The following DAB1 variants were observed in gnomAD, a reference collection of about 807,000 sequenced individuals.
The protein encoded by DAB1 is DAB adaptor protein 1.
Under a neutral mutation model 64.6 loss-of-function variants are expected in DAB1, and 15 were observed. The observed-to-expected ratio is 0.23, with a 90% CI of 0.16 to 0.36. DAB1 has a LOEUF of 0.36. DAB1 is among the 10% of genes least tolerant of loss of function. The pLI, the probability that DAB1 is intolerant of heterozygous loss-of-function variation, is 1.00. For synonymous variants in DAB1, 235 were observed against 251.9 expected (o/e 0.93, Z 0.64); for missense variants, 596 against 706.7 (o/e 0.84, Z 1.78).
At chr1:58,455,551 T>C (rs1645185793) in intron 3 of DAB1, among the ~76,000 whole-genome samples, 1 of 152,232 alleles carries the variant, frequency 6.6e-6, no homozygotes, top group Admixed American at 6.5e-5. Flanking sequence ...ACCTACTGAA[T>C]TATGCTCAAT....
At chr1:57,711,938 C>T (rs1323818) in intron 6 of DAB1, among the ~76,000 whole-genome samples, 63,509 of 151,958 alleles carry the variant, frequency 0.42, 14,462 homozygotes, top group African/African-American at 0.61. Flanking sequence ...TATAGGTAAT[C>T]TTTATATTTA....
chr1:58,537,730 T>C (rs1356216434), intron 1 of DAB1, among the ~76,000 whole-genome samples: 1 of 152,228 alleles, frequency 6.6e-6, no homozygotes, highest in African/African-American at 2.4e-5. Flanking sequence ...CACACCCCAA[T>C]GCCTTTACAC....
At chr1:57,249,012 G>T (rs1669117441) in intron 2 of DAB1, among the ~76,000 whole-genome samples, 1 of 152,166 alleles carries the variant, frequency 6.6e-6, no homozygotes, top group South Asian at 2.1e-4. Flanking sequence ...ACGATCCCTA[G>T]ATGTGGGCAG....
chr1:58,065,095 T>G (rs1648772888), intron 5 of DAB1, among the ~76,000 whole-genome samples: 1 of 152,206 alleles, frequency 6.6e-6, no homozygotes, highest in South Asian at 2.1e-4. Flanking sequence ...CATTTTATCC[T>G]CACAACAACC....
chr1:58,141,678 G>A (rs779936591), intron 5 of DAB1, among the ~76,000 whole-genome samples: 16 of 152,112 alleles, frequency 1.1e-4, no homozygotes, highest in Admixed American at 3.3e-4. Context: ...ATTTCAACAC[G>A]AGATTTGCAT....
chr1:58,431,258 A>C (rs1644867535), intron 3 of DAB1, among the ~76,000 whole-genome samples: 3 of 152,192 alleles, frequency 2.0e-5, no homozygotes, highest in African/African-American at 4.8e-5. Flanking sequence ...AGAAAAAGCA[A>C]TGAAGACTAG....
intron 4 of DAB1, among the ~76,000 whole-genome samples, chr1:58,274,559 G>C (rs1386873638): frequency 7.0e-6 from 1 of 143,124 alleles, no homozygotes; most frequent in East Asian, 2.2e-4. Flanking sequence ...TGGCTGCTTT[G>C]TTTACCTAAG....
chr1:57,435,578 A>C (rs1685665027), intron 7 of DAB1, among the ~76,000 whole-genome samples: 1 of 152,166 alleles, frequency 6.6e-6, no homozygotes, highest in South Asian at 2.1e-4. Flanking sequence ...AAAAACAAAG[A>C]CACAAACACA....
intron 5 of DAB1, among the ~76,000 whole-genome samples, chr1:58,096,078 C>T (rs946310): frequency 0.36 from 54,702 of 152,024 alleles, 12,504 homozygotes; most frequent in African/African-American, 0.63. Flanking sequence ...ATAAGGGCTT[C>T]GGACAAGAGC....
rs137878037 is a variant in DAB1, at chr1:58,500,185, T to C, written n.257+5875A>G. On this transcript the variant is annotated intron_variant and non_coding_transcript_variant, in intron 3 of 20. Transcript: ENST00000485760. ...AAGTAGATACACATCACATGCACCA[T>C]AATATTTTTTTTAAGGGTTTAGACA... Among the ~76,000 whole-genome samples, 763 of 152,226 alleles carry C rather than the reference T, an allele frequency of 5.0e-3. 10 individuals are homozygous for C. The highest frequency in any genetic ancestry group is 0.017 in the African/African-American group (713 of 41,534).
At chr1:57,065,799 T>G (rs1211087824) in intron 8 of DAB1, among the ~76,000 whole-genome samples, 5 of 152,186 alleles carry the variant, frequency 3.3e-5, no homozygotes, top group Non-Finnish European at 7.3e-5. Context: ...CTCTCTGAAC[T>G]TCAGTTGCCC....
At position 58,491,213 on chromosome 1, in the gene DAB1, C is replaced by A. The variant is rs530711121; in HGVS notation, n.257+14847G>T. Among the ~76,000 whole-genome samples the A allele has an allele frequency of 2.0e-5, 3 of 152,208 alleles. No individual in the cohort carries two copies. The South Asian group carries it at 6.2e-4, about 32-fold the overall frequency. On this transcript the variant is annotated intron_variant and non_coding_transcript_variant, in intron 3 of 20. Transcript: ENST00000485760. ...AAAATACTTTACAGACAAGCAAATG[C>A]TCAGAGATTTTGTCACCACCAGGCC...
chr1:58,097,634 G>T (rs757997103), intron 5 of DAB1, among the ~76,000 whole-genome samples: 1 of 152,076 alleles, frequency 6.6e-6, no homozygotes, highest in Non-Finnish European at 1.5e-5. Flanking sequence ...AAGATAATGA[G>T]ACCTTAAGGC....
chr1:57,996,707 C>A (rs1646430744), intron 5 of DAB1, among the ~76,000 whole-genome samples: 1 of 152,190 alleles, frequency 6.6e-6, no homozygotes, highest in Non-Finnish European at 1.5e-5. Context: ...AGATGTCAGA[C>A]AATCATGTAA....
intron 2 of DAB1, among the ~76,000 whole-genome samples, chr1:57,161,072 G>C (rs567554160): frequency 6.6e-6 from 1 of 152,088 alleles, no homozygotes; most frequent in Non-Finnish European, 1.5e-5. Context: ...TTGGGAATTT[G>C]CTGTAGTGTC....
At chr1:57,472,952 G>T (rs763710228) in intron 7 of DAB1, among the ~76,000 whole-genome samples, 20 of 152,282 alleles carry the variant, frequency 1.3e-4, no homozygotes, top group Middle Eastern at 3.4e-3. Context: ...TGGATTTTAA[G>T]GACATAGTTA....
At chr1:57,023,474 TTC>T (rs373681663) in intron 11 of DAB1, 55 bp downstream of exon 11, 77 of 1,009,442 alleles carry the variant, frequency 7.6e-5, no homozygotes, top group African/African-American at 6.6e-4. Context: ...TGTAAACTCT[TTC>T]TCTCTCTTAA....
intron 7 of DAB1, among the ~76,000 whole-genome samples, chr1:57,562,370 C>T (rs551290218): frequency 6.6e-6 from 1 of 152,196 alleles, no homozygotes; most frequent in African/African-American, 2.4e-5. Context: ...GAGACTCCGT[C>T]TCAAAAAAAA....
intron 2 of DAB1, among the ~76,000 whole-genome samples, chr1:58,523,625 C>T (rs1038043408): frequency 3.3e-5 from 5 of 152,056 alleles, no homozygotes; most frequent in Admixed American, 6.5e-5. Context: ...CCTGGCCGGG[C>T]GCAGTGGCTC....
Sources: allele counts gnomAD v4.1 joint callset (sites outside exome capture counted in the v4.1 genomes callset), GRCh38; gene constraint gnomAD v4.1.1; transcripts MANE v1.5; gene names NCBI Gene and HGNC (gene_info 2026-07-23, HGNC 2026-07-21).